Variants in TPRG1 observed in about 807,000 individuals in gnomAD.
The protein encoded by TPRG1 is tumor protein p63-regulated gene 1 protein.
A neutral mutation model predicts 29.3 loss-of-function variants in TPRG1; 29 were observed. That is an observed-to-expected ratio of 0.99 (90% confidence interval 0.74 to 1.35). The LOEUF (loss-of-function observed/expected upper bound fraction) is 1.35, where lower values mean the gene tolerates loss of function less well. Among genes scored for constraint, TPRG1 ranks in the 40% most tolerant of loss-of-function variants. TPRG1 has a pLI of 0.00. For synonymous variants in TPRG1, 130 were observed against 116.8 expected (o/e 1.11, Z -0.73); for missense variants, 327 against 335.0 (o/e 0.98, Z 0.19).
At chr3:189,237,568 C>G (rs1483348012) in intron 3 of TPRG1, among the ~76,000 whole-genome samples, 1 of 152,098 alleles carries the variant, frequency 6.6e-6, no homozygotes, top group Non-Finnish European at 1.5e-5. Flanking sequence ...GCATTTGAAC[C>G]ATGACTTGAA....
At chr3:189,100,057 C>T (rs1719002897), upstream of TPRG1, 1 of 152,308 alleles carries the variant, frequency 6.6e-6, no homozygotes, top group Non-Finnish European at 1.5e-5. Flanking sequence ...GAAAGAGAAA[C>T]AGCTGAAAAG....
chr3:189,089,312 G>A (rs754478324), intron 4 of TPRG1, among the ~76,000 whole-genome samples: 1 of 151,982 alleles, frequency 6.6e-6, no homozygotes, highest in Non-Finnish European at 1.5e-5. Context: ...GGCTATTCTG[G>A]TTTTTCAAGA....
intron 3 of TPRG1, among the ~76,000 whole-genome samples, chr3:189,141,367 A>T (rs1724532716): frequency 1.3e-5 from 2 of 152,074 alleles, no homozygotes; most frequent in Admixed American, 6.6e-5. Context: ...CTAGCCATTC[A>T]TTCATTCATT....
intron 4 of TPRG1, among the ~76,000 whole-genome samples, chr3:189,050,697 A>T (rs193167141): frequency 1.3e-5 from 2 of 152,324 alleles, no homozygotes; most frequent in East Asian, 3.9e-4. Flanking sequence ...AATACTAGCT[A>T]ACCGAATCCA....
intron 4 of TPRG1, among the ~76,000 whole-genome samples, chr3:189,290,956 G>A (rs1232780854): frequency 6.6e-6 from 1 of 152,108 alleles, no homozygotes; most frequent in Non-Finnish European, 1.5e-5. Context: ...AGGCTGGAGT[G>A]CAGTGGCCCG....
chr3:189,186,756 G>GA (rs11320794), intron 1 of TPRG1, among the ~76,000 whole-genome samples: 52 of 147,800 alleles, frequency 3.5e-4, no homozygotes, highest in East Asian at 1.0e-3. Context: ...TAGTACATAT[G>GA]AAAAAAAAAA....
In TPRG1 at chr3:189,050,434, A is replaced by G. The variant is rs1715242519; in HGVS notation, c.-463+26488A>G. Among the ~76,000 whole-genome samples, 11 of 152,218 alleles carry G rather than the reference A, an allele frequency of 7.2e-5. No homozygotes were observed. In the South Asian group the frequency reaches 2.3e-3, roughly 31 times the overall value. ...ACCGATAACAAGCAGCAGGTTTGAA[A>G]TGGTAATTTAAAAATTACCAACAAA... is the stretch of plus-strand genomic sequence containing the variant. On this transcript the variant is annotated intron_variant, in intron 4 of 10. Transcript: ENST00000433971.
chr3:189,117,290 T>C (rs546281920), intron 1 of TPRG1, among the ~76,000 whole-genome samples: 105 of 152,344 alleles, frequency 6.9e-4, no homozygotes, highest in Non-Finnish European at 1.4e-3. Flanking sequence ...TGCTCAACCA[T>C]GTGGGACATA....
chr3:189,272,008 G>A (rs572050446), intron 4 of TPRG1, among the ~76,000 whole-genome samples: 161 of 152,276 alleles, frequency 1.1e-3, no homozygotes, highest in Non-Finnish European at 1.9e-3. Flanking sequence ...TCCTATACGC[G>A]CTGATGCCCC....
intron 1 of TPRG1, among the ~76,000 whole-genome samples, chr3:189,186,907 G>A (rs1730992189): frequency 6.6e-6 from 1 of 150,636 alleles, no homozygotes; most frequent in Admixed American, 6.6e-5. Flanking sequence ...CATAGATTCA[G>A]TCAATTATTA....
At chr3:189,171,462 C>G (rs1326290192), upstream of TPRG1, among the ~76,000 whole-genome samples, 1 of 152,164 alleles carries the variant, frequency 6.6e-6, no homozygotes, top group African/African-American at 2.4e-5. Context: ...TCAAGGGGCC[C>G]CCCATCTAGG....
intron 4 of TPRG1, chr3:189,267,541 A>G (rs557690623): frequency 6.6e-6 from 1 of 152,356 alleles, no homozygotes. Context: ...TAAAGAGACA[A>G]CAGAATGAAG....
In TPRG1 at chr3:189,068,229, G is replaced by A. The variant is rs539642083; in HGVS notation, c.-463+44283G>A. Reference sequence around the variant, plus strand: ...CATTTGATAGAAATGTAAATTAGTAGAGCCACTATAGAGAACAGTATGGTG... The same window carrying A: ...CATTTGATAGAAATGTAAATTAGTAAAGCCACTATAGAGAACAGTATGGTG... On this transcript the variant is annotated intron_variant, in intron 4 of 10. Coordinates refer to the TPRG1 transcript ENST00000433971. Among the ~76,000 whole-genome samples the A allele has an allele frequency of 5.4e-3, 821 of 152,234 alleles. 4 individuals are homozygous for A. The highest frequency in any genetic ancestry group is 9.3e-3 in the Non-Finnish European group (633 of 68,018).
At chr3:189,271,805 G>A (rs55947187) in intron 4 of TPRG1, among the ~76,000 whole-genome samples, 36,324 of 152,174 alleles carry the variant, frequency 0.24, 6,502 homozygotes, top group African/African-American at 0.51. Flanking sequence ...AACCAAACAA[G>A]TGTGGATTTG....
At chr3:189,053,942 T>A (rs1211060339) in intron 4 of TPRG1, among the ~76,000 whole-genome samples, 1 of 152,236 alleles carries the variant, frequency 6.6e-6, no homozygotes, top group Non-Finnish European at 1.5e-5. Flanking sequence ...TTTTGCTTTC[T>A]TAACATTTGT....
intron 4 of TPRG1, among the ~76,000 whole-genome samples, chr3:189,285,816 C>A (rs2109166516): frequency 6.6e-6 from 1 of 152,334 alleles, no homozygotes; most frequent in East Asian, 1.9e-4. Context: ...GTGATTTTCC[C>A]CTTAGACGAT....
chr3:189,044,260 GA>G (rs1028549205), intron 4 of TPRG1, among the ~76,000 whole-genome samples: 74 of 151,164 alleles, frequency 4.9e-4, no homozygotes, highest in Admixed American at 1.1e-3. Flanking sequence ...TCATGACAAA[GA>G]AAAAAAAATG....
At position 189,272,268 on chromosome 3, in the gene TPRG1, T is replaced by C. The variant is rs553963769; in HGVS notation, c.479+33359T>C. ...CCTGAACCTGTATAATTAAGTGTTA[T>C]ATTATAGTGGGCTTCACAGCATTGG... On this transcript the variant is annotated intron_variant, in intron 4 of 5. Coordinates refer to ENST00000345063, the MANE Select transcript of TPRG1 (RefSeq NM_198485.4). Among the ~76,000 whole-genome samples, 220 of 152,312 alleles carry C rather than the reference T, an allele frequency of 1.4e-3. 1 individual carries two copies. Among genetic ancestry groups the C allele is most frequent in the Non-Finnish European group, 2.0e-3 (133 of 68,028 alleles).
At chr3:189,224,931 C>CTTTT (rs139957231) in intron 3 of TPRG1, among the ~76,000 whole-genome samples, 1 of 126,978 alleles carries the variant, frequency 7.9e-6, no homozygotes, top group South Asian at 2.7e-4. Flanking sequence ...CTTCCTTTTT[C>CTTTT]TTTTTTTTTT....
Sources: allele counts gnomAD v4.1 joint callset (sites outside exome capture counted in the v4.1 genomes callset), GRCh38; gene constraint gnomAD v4.1.1; transcripts MANE v1.5; gene names NCBI Gene and HGNC (gene_info 2026-07-23, HGNC 2026-07-21).